VPS13A: variants seen among roughly 807,000 people sequenced by gnomAD.
VPS13A encodes the protein vacuolar protein sorting 13 homolog A, also known as intermembrane lipid transfer protein VPS13A.
In VPS13A, 264 loss-of-function variants were observed where a neutral mutation model predicts 390.9. The ratio of observed to expected loss-of-function variants is 0.68; its 90% CI spans 0.61 to 0.75. The LOEUF is 0.75. Ranked by LOEUF, VPS13A falls within the 30% of genes least tolerant of loss-of-function variation. The pLI is 0.00. For synonymous variants in VPS13A, 1,231 were observed against 1,227.1 expected (o/e 1.00, Z -0.07); for missense variants, 3,409 against 3,733.9 (o/e 0.91, Z 2.27).
rs80266257 is a variant in VPS13A at position 77,339,139 on chromosome 9, C to T, written c.6379-377C>T. On this transcript the variant is annotated intron_variant, in intron 47 of 71. Transcript: ENST00000360280. ...ACCATCAGTTTTTGCCCACATTTTA[C>T]GTTGTTTTGTAGTTTTCAAAATAAA... 3.3e-5 allele frequency: 7 copies of T among 212,740 alleles called. No homozygotes were observed. The East Asian group carries it at 7.9e-4, about 24-fold the overall frequency. The allele number at this position is 212,740 out of a possible 1,614,324, so 13.2% of individuals were successfully genotyped here.
intron 68 of VPS13A, among the ~76,000 whole-genome samples, 188 bp from the exon 69 acceptor site, chr9:77,403,048 A>C (rs1321079880): frequency 6.6e-6 from 1 of 152,234 alleles, no homozygotes; most frequent in African/African-American, 2.4e-5. Context: ...GAGTAATGTT[A>C]AATAAAGTAG....
chr9:77,371,203 G>C (rs1307631159), intron 67 of VPS13A, 54 bp downstream of exon 67: 5 of 1,610,590 alleles, frequency 3.1e-6, no homozygotes, highest in Non-Finnish European at 4.2e-6. Flanking sequence ...CATGAGAAAT[G>C]GAATTTATCT....
intron 52 of VPS13A, among the ~76,000 whole-genome samples, chr9:77,346,588 T>G (rs1184297457): frequency 6.6e-6 from 1 of 152,224 alleles, no homozygotes; most frequent in Non-Finnish European, 1.5e-5. Context: ...GGTCATGAAC[T>G]CTTTGCCAAA....
intron 60 of VPS13A, 108 bp downstream of exon 60, chr9:77,365,681 TAAAC>T (rs1158302321): frequency 3.4e-5 from 23 of 678,928 alleles, no homozygotes; most frequent in South Asian, 2.4e-4. Flanking sequence ...AATATACAAT[TAAAC>T]TAAGTAACAA....
chr9:77,249,089 G>A (rs562399038), intron 20 of VPS13A, among the ~76,000 whole-genome samples: 77 of 152,328 alleles, frequency 5.1e-4, no homozygotes, highest in African/African-American at 1.8e-3. Flanking sequence ...CTACTGGACA[G>A]CGTTGCTGTA....
chr9:77,195,520 T>G (rs949786829), intron 1 of VPS13A, among the ~76,000 whole-genome samples: 2 of 152,148 alleles, frequency 1.3e-5, no homozygotes. Context: ...GTGGATCACT[T>G]GAGGTCAGCA....
intron 22 of VPS13A, among the ~76,000 whole-genome samples, chr9:77,257,976 A>G (rs1587435556): frequency 6.6e-6 from 1 of 152,252 alleles, no homozygotes; most frequent in African/African-American, 2.4e-5. Flanking sequence ...AAATTCTAAT[A>G]ACATTTGCTT....
intron 68 of VPS13A, chr9:77,390,029 C>G (rs1465795295): frequency 2.0e-6 from 2 of 978,100 alleles, no homozygotes; most frequent in African/African-American, 3.5e-5. Flanking sequence ...CCGACGTGGT[C>G]TTTCCCTTTA....
chr9:77,213,334 A>G lies in VPS13A; in HGVS notation c.696+20A>G. The G allele has an allele frequency of 6.3e-7, 1 of 1,586,106 alleles. No individual in the cohort carries two copies. Among genetic ancestry groups the G allele is most frequent in the Non-Finnish European group, 8.7e-7 (1 of 1,155,222 alleles). On this transcript the variant is annotated intron_variant, in intron 9 of 71. Coordinates refer to ENST00000360280, the MANE Select transcript of VPS13A (RefSeq NM_033305.3). ...TCCTTGGTAAGTAAATTTTTTCTGT[A>G]TGTATTTGTTGGTATCATATTTTGC...
chr9:77,189,323 C>T (rs1824536396), intron 1 of VPS13A, among the ~76,000 whole-genome samples: 1 of 152,048 alleles, frequency 6.6e-6, no homozygotes, highest in East Asian at 1.9e-4. Context: ...CAGTCTTCTG[C>T]ATGTGGCTGG....
intron 22 of VPS13A, among the ~76,000 whole-genome samples, chr9:77,255,803 GTCTC>G: frequency 6.6e-6 from 1 of 152,086 alleles, no homozygotes; most frequent in South Asian, 2.1e-4. Context: ...GTTTGTAATT[GTCTC>G]TCTCTTAACA....
chr9:77,252,721 A>G (rs1403010033), intron 22 of VPS13A, among the ~76,000 whole-genome samples: 1 of 152,178 alleles, frequency 6.6e-6, no homozygotes, highest in African/African-American at 2.4e-5. Context: ...TAGGTGCCTC[A>G]TATAAGTGGA....
intron 21 of VPS13A, 89 bp from the exon 22 acceptor site, chr9:77,252,146 A>T: frequency 9.4e-7 from 1 of 1,067,612 alleles, no homozygotes; most frequent in Non-Finnish European, 1.5e-6. Flanking sequence ...TTCCTCATAT[A>T]ATGGAATGTG....
At chr9:77,280,124 C>A in intron 26 of VPS13A, 35 bp from the exon 27 acceptor site, 1 of 1,483,224 alleles carries the variant, frequency 6.7e-7, no homozygotes, top group Non-Finnish European at 9.3e-7. Flanking sequence ...GTTACCTTTC[C>A]GATGAAAAGA....
rs923419130 is a variant in VPS13A, at chr9:77,395,818, TAAAAG to T, written c.9190-7415_9190-7411del. The T allele has an allele frequency of 2.2e-4, 34 of 152,288 alleles. 1 individual carries two copies. Among genetic ancestry groups the T allele is most frequent in the Admixed American group, 2.0e-3 (30 of 15,302 alleles). 9.4% of individuals were successfully genotyped at this position (152,288 alleles called of 1,614,324 possible). On this transcript the variant is annotated intron_variant, in intron 68 of 71. Coordinates refer to ENST00000360280, the MANE Select transcript of VPS13A (RefSeq NM_033305.3). ...TATTTAAGAGTAGATTTTAAGAATT[TAAAAG>T]AATAGATTTTAAGAATTTAAAAAAG...
chr9:77,227,178 ATAAAT>A (rs1823566888), intron 15 of VPS13A, among the ~76,000 whole-genome samples: 1 of 152,194 alleles, frequency 6.6e-6, no homozygotes. Context: ...TACAAATATT[ATAAAT>A]TAATGTTGCT....
chr9:77,248,528 A>G (rs1824963786), intron 20 of VPS13A, among the ~76,000 whole-genome samples: 3 of 151,076 alleles, frequency 2.0e-5, no homozygotes, highest in African/African-American at 7.3e-5. Context: ...CTTTTTTTCT[A>G]ATTATATACT....
chr9:77,307,667 A>C (rs1828835095), intron 34 of VPS13A, among the ~76,000 whole-genome samples: 1 of 152,230 alleles, frequency 6.6e-6, no homozygotes, highest in Non-Finnish European at 1.5e-5. Context: ...TTCATTTTAA[A>C]GGTTTAAAAT....
At chr9:77,254,012 G>C (rs1475583062) in intron 22 of VPS13A, among the ~76,000 whole-genome samples, 2 of 135,714 alleles carry the variant, frequency 1.5e-5, no homozygotes, top group Admixed American at 1.6e-4. Context: ...GCATGATCTC[G>C]GCTCACTGCA....
Sources: allele counts gnomAD v4.1 joint callset (sites outside exome capture counted in the v4.1 genomes callset), GRCh38; gene constraint gnomAD v4.1.1; transcripts MANE v1.5; gene names NCBI Gene and HGNC (gene_info 2026-07-23, HGNC 2026-07-21).